EYS: variants seen among roughly 807,000 people sequenced by gnomAD.
The protein encoded by EYS is EGF-like photoreceptor maintenance factor.
A neutral mutation model predicts 282.1 loss-of-function variants in EYS; 250 were observed. That is an observed-to-expected ratio of 0.89 (90% CI 0.80 to 0.98). EYS has a LOEUF of 0.98. Ranked by LOEUF, EYS falls within the 50% of genes least tolerant of loss-of-function variation. The pLI, the probability that EYS is intolerant of heterozygous loss-of-function variation, is 0.00. For missense variants in EYS, 4,016 were observed against 3,709.0 expected (o/e 1.08, Z -2.15); for synonymous variants, 1,355 against 1,282.9 (o/e 1.06, Z -1.20).
At chr6:64,213,458 G>A (rs1231471167) in intron 31 of EYS, among the ~76,000 whole-genome samples, 4 of 152,062 alleles carry the variant, frequency 2.6e-5, no homozygotes, top group African/African-American at 4.8e-5. Flanking sequence ...AGTTGGAACC[G>A]ATCAGAATAG....
chr6:65,577,487 G>A (rs1273440782), intron 2 of EYS, among the ~76,000 whole-genome samples: 1 of 151,708 alleles, frequency 6.6e-6, no homozygotes, highest in Non-Finnish European at 1.5e-5. Flanking sequence ...AAAAAACACA[G>A]AGGAAAAGCT....
At chr6:65,531,425 G>C (rs889593496) in intron 2 of EYS, among the ~76,000 whole-genome samples, 6 of 152,070 alleles carry the variant, frequency 3.9e-5, no homozygotes, top group African/African-American at 1.4e-4. Context: ...CGGGATTCTG[G>C]GATTAAATGG....
At position 63,863,790 on chromosome 6, in the gene EYS, C is replaced by A. The variant is rs144032103; in HGVS notation, c.7228+396G>T. Among the ~76,000 whole-genome samples, 1,144 of 151,756 alleles carry A rather than the reference C, an allele frequency of 7.5e-3. 19 individuals are homozygous for A. The highest frequency in any genetic ancestry group is 0.026 in the African/African-American group (1,072 of 41,346). On this transcript the variant is annotated intron_variant, in intron 36 of 42. Coordinates refer to ENST00000503581, the MANE Select transcript of EYS (RefSeq NM_001142800.2). ...TCCTGGGTTCAAGCGATTCTCGAGCCTCAGCCTCCTGAGTAGCTGGGATTA... is the reference window on the plus strand; with the variant it reads ...TCCTGGGTTCAAGCGATTCTCGAGCATCAGCCTCCTGAGTAGCTGGGATTA...
chr6:65,225,695 C>T (rs1328758816), intron 12 of EYS, among the ~76,000 whole-genome samples: 2 of 140,704 alleles, frequency 1.4e-5, no homozygotes, highest in Non-Finnish European at 3.0e-5. Context: ...GCCTGGGTAA[C>T]TAGAGCAAAA....
chr6:63,797,434 C>T (rs983767862), intron 37 of EYS: 1 of 152,122 alleles, frequency 6.6e-6, no homozygotes, highest in Non-Finnish European at 1.5e-5. Flanking sequence ...GACATTTGAG[C>T]CATTTTTATC....
intron 12 of EYS, among the ~76,000 whole-genome samples, chr6:65,274,149 A>T (rs1317668901): frequency 6.6e-6 from 1 of 152,198 alleles, no homozygotes. Context: ...TCAGCAGCTG[A>T]CTTGTGGAGT....
At chr6:64,852,556 C>T (rs779291320) in intron 19 of EYS, among the ~76,000 whole-genome samples, 6 of 152,026 alleles carry the variant, frequency 3.9e-5, no homozygotes, top group South Asian at 4.1e-4. Context: ...GACTAATACA[C>T]GTCTACCATA....
chr6:64,506,896 G>A (rs975713715), intron 26 of EYS, among the ~76,000 whole-genome samples: 1 of 90,532 alleles, frequency 1.1e-5, no homozygotes, highest in South Asian at 3.2e-4. Flanking sequence ...GCGATAAAGC[G>A]AGGCTGTGTC....
intron 2 of EYS, among the ~76,000 whole-genome samples, chr6:65,515,126 C>A (rs1311391794): frequency 1.3e-5 from 2 of 152,060 alleles, no homozygotes; most frequent in African/African-American, 4.8e-5. Context: ...AAAAAGTGGG[C>A]AAAGGACATG....
chr6:63,896,538 A>G (rs1773541769), intron 35 of EYS, among the ~76,000 whole-genome samples: 2 of 152,172 alleles, frequency 1.3e-5, no homozygotes, highest in Non-Finnish European at 2.9e-5. Context: ...ATGGGTTACA[A>G]TTGATGAGGC....
intron 35 of EYS, among the ~76,000 whole-genome samples, chr6:63,908,416 T>A (rs933320405): frequency 2.2e-4 from 34 of 152,224 alleles, no homozygotes; most frequent in African/African-American, 7.5e-4. Context: ...CTCAAAGAAC[T>A]ACTCATTGCC....
intron 33 of EYS, among the ~76,000 whole-genome samples, chr6:64,047,506 A>G (rs933781860): frequency 2.6e-5 from 4 of 152,238 alleles, no homozygotes; most frequent in African/African-American, 9.6e-5. Flanking sequence ...GCCTGACAGA[A>G]TGATAATTGT....
At chr6:64,195,660 A>C (rs1257683486) in intron 31 of EYS, among the ~76,000 whole-genome samples, 1 of 152,122 alleles carries the variant, frequency 6.6e-6, no homozygotes, top group South Asian at 2.1e-4. Context: ...ATATTACTAT[A>C]ATGTTTCTTT....
chr6:64,637,520 C>G lies in EYS; in HGVS notation c.3444-11275G>C, dbSNP rs568586585. Among the ~76,000 whole-genome samples, 17 of 87,730 alleles carry G rather than the reference C, an allele frequency of 1.9e-4. 4 individuals carry two copies. The highest frequency in any genetic ancestry group is 7.5e-4 in the African/African-American group (17 of 22,714). The allele number at this position is 87,730 out of a possible 152,430, so 57.6% of individuals were successfully genotyped here. A position where few individuals can be genotyped will look rare whatever the true frequency, so the allele number is the denominator to read the frequency against. Reference sequence around the variant, plus strand: ...ATGACGAGTTAATGGGTGCAGCACACCAACATGGCACATGTATACATATGT... The same window carrying G: ...ATGACGAGTTAATGGGTGCAGCACAGCAACATGGCACATGTATACATATGT... On this transcript the variant is annotated intron_variant, in intron 22 of 42. Transcript: ENST00000503581.
intron 31 of EYS, among the ~76,000 whole-genome samples, chr6:64,156,065 A>T (rs914113365): frequency 6.7e-6 from 1 of 149,216 alleles, no homozygotes; most frequent in African/African-American, 2.5e-5. Context: ...TGTGTGTATT[A>T]TATATATATA....
At chr6:65,433,132 G>A (rs1042479002) in intron 5 of EYS, among the ~76,000 whole-genome samples, 9 of 152,102 alleles carry the variant, frequency 5.9e-5, no homozygotes, top group African/African-American at 2.2e-4. Context: ...CATAGGAAAA[G>A]TCTATTGAGC....
At chr6:63,783,380 C>T (rs939817601) in intron 39 of EYS, among the ~76,000 whole-genome samples, 1 of 152,148 alleles carries the variant, frequency 6.6e-6, no homozygotes, top group Non-Finnish European at 1.5e-5. Flanking sequence ...GCTGACATCT[C>T]ACTGGCCAGA....
intron 30 of EYS, among the ~76,000 whole-genome samples, chr6:64,296,598 A>ATAT (rs1561913902): frequency 6.5e-4 from 13 of 20,118 alleles, no homozygotes; most frequent in South Asian, 2.3e-3. Context: ...ATATATATAT[A>ATAT]TTTTTTTTTT....
intron 41 of EYS, among the ~76,000 whole-genome samples, chr6:63,743,727 T>A (rs1769141311): frequency 6.6e-6 from 1 of 152,244 alleles, no homozygotes; most frequent in Non-Finnish European, 1.5e-5. Context: ...GAAGAGTCAT[T>A]CTTACTAAGA....
Sources: gnomAD v4.1 joint callset for allele counts (sites outside exome capture counted in the v4.1 genomes callset) on GRCh38, gnomAD v4.1.1 for gene constraint, MANE v1.5 for transcripts, NCBI Gene and HGNC (gene_info 2026-07-23, HGNC 2026-07-21) for gene names.